IPMK: variants seen among roughly 807,000 people sequenced by gnomAD.
IPMK encodes the protein inositol 1,3,4,6-tetrakisphosphate 5-kinase.
In IPMK, 17 loss-of-function variants were observed where a neutral mutation model predicts 45.8. The ratio of observed to expected loss-of-function variants is 0.37; its 90% confidence interval spans 0.25 to 0.56. The LOEUF is 0.56. Among genes scored for constraint, IPMK ranks in the 20% least tolerant of loss-of-function variants. The pLI, the probability that IPMK is intolerant of heterozygous loss-of-function variation, is 0.79. For missense variants in IPMK, 399 were observed against 498.0 expected, an observed-to-expected ratio of 0.80 and a Z score of 1.89; for synonymous variants, 180 against 184.3, an observed-to-expected ratio of 0.98 and a Z score of 0.19.
At chr10:58,262,594 A>C (rs1225006526) in intron 1 of IPMK, among the ~76,000 whole-genome samples, 1 of 152,206 alleles carries the variant, frequency 6.6e-6, no homozygotes, top group East Asian at 1.9e-4. Context: ...TTTCCACTAA[A>C]AAGAAACCAG....
At chr10:58,234,155 AAAAT>A (rs1235032049) in intron 2 of IPMK, among the ~76,000 whole-genome samples, 1 of 152,128 alleles carries the variant, frequency 6.6e-6, no homozygotes, top group African/African-American at 2.4e-5. Flanking sequence ...ACCGCTCAAC[AAAAT>A]AAAAGAGGAC....
chr10:58,253,951 G>GTT (rs1838925073), intron 1 of IPMK, among the ~76,000 whole-genome samples: 1 of 151,946 alleles, frequency 6.6e-6, no homozygotes, highest in African/African-American at 2.4e-5. Flanking sequence ...TTCTCTTGAT[G>GTT]TTTTGAGTAT....
intron 2 of IPMK, 134 bp downstream of exon 2, chr10:58,237,595 C>G (rs570474950): frequency 4.4e-5 from 29 of 663,894 alleles, no homozygotes; most frequent in Non-Finnish European, 7.8e-5. Context: ...ATACGCACTG[C>G]TTTCCATGAA....
At chr10:58,211,178 A>G (rs1282266894) in intron 4 of IPMK, among the ~76,000 whole-genome samples, 1 of 146,672 alleles carries the variant, frequency 6.8e-6, no homozygotes, top group African/African-American at 2.6e-5. Flanking sequence ...GACAGGTAAC[A>G]GTGATTACCC....
intron 4 of IPMK, among the ~76,000 whole-genome samples, chr10:58,213,392 GAATA>G (rs1231265116): frequency 3.3e-5 from 5 of 152,178 alleles, no homozygotes; most frequent in Admixed American, 6.5e-5. Context: ...AGCATTTAAA[GAATA>G]AATAGAGGCT....
chr10:58,201,927 T>G (rs757021603), intron 4 of IPMK, among the ~76,000 whole-genome samples: 6 of 152,170 alleles, frequency 3.9e-5, no homozygotes, highest in Non-Finnish European at 8.8e-5. Flanking sequence ...GCCACAACAT[T>G]ACCTCAAGTC....
intron 4 of IPMK, among the ~76,000 whole-genome samples, chr10:58,199,583 C>T (rs749082500): frequency 1.4e-4 from 21 of 152,108 alleles, no homozygotes; most frequent in Non-Finnish European, 2.2e-4. Flanking sequence ...CCTCAACCTA[C>T]GAGGAGTTAG....
intron 1 of IPMK, among the ~76,000 whole-genome samples, chr10:58,255,539 T>C (rs937980729): frequency 1.3e-5 from 2 of 152,214 alleles, no homozygotes; most frequent in Non-Finnish European, 2.9e-5. Context: ...TTCAGGCTGG[T>C]GCTCTTGTCT....
intron 1 of IPMK, among the ~76,000 whole-genome samples, chr10:58,240,144 A>G (rs1342635471): frequency 6.6e-6 from 1 of 152,176 alleles, no homozygotes; most frequent in Admixed American, 6.5e-5. Flanking sequence ...TAAATATGCT[A>G]AAGAAACAAT....
Position 58,196,559 on chromosome 10 carries a change from A to G in IPMK, c.768T>C (p.Val256=). 2 of 1,614,080 alleles carry G rather than the reference A, an allele frequency of 1.2e-6. No homozygotes were observed. Among genetic ancestry groups the G allele is most frequent in the Non-Finnish European group, 1.7e-6 (2 of 1,180,038 alleles). Residue 256 remains valine, a synonymous_variant, in exon 6 of 6, where the codon GTT becomes GTC. Coordinates refer to ENST00000373935, the MANE Select transcript of IPMK (RefSeq NM_152230.5). ...LNFYASSLLF[V]YEGSSQPTTT... Reference sequence around the variant, plus strand: ...TGGTTGGCTGAGATGAACCTTCATAAACAAAGAGTAATGAACTTGCGTAAA... The same window carrying G: ...TGGTTGGCTGAGATGAACCTTCATAGACAAAGAGTAATGAACTTGCGTAAA...
At chr10:58,203,017 G>C (rs1442670556) in intron 4 of IPMK, among the ~76,000 whole-genome samples, 1 of 152,152 alleles carries the variant, frequency 6.6e-6, no homozygotes, top group African/African-American at 2.4e-5. Context: ...TGATGGACTG[G>C]GGCAATGTAA....
intron 1 of IPMK, among the ~76,000 whole-genome samples, chr10:58,248,384 C>T (rs986901698): frequency 5.9e-5 from 9 of 152,038 alleles, no homozygotes; most frequent in African/African-American, 2.2e-4. Flanking sequence ...TAAATGCACG[C>T]TAAAATTTCT....
intron 1 of IPMK, among the ~76,000 whole-genome samples, chr10:58,244,971 T>C (rs1020404150): frequency 2.6e-5 from 4 of 151,716 alleles, no homozygotes; most frequent in African/African-American, 9.7e-5. Context: ...TCTGCTGACC[T>C]TCTCTCCACT....
Position 58,207,093 on chromosome 10 carries a change from C to T in IPMK, c.547-7772G>A, listed in dbSNP as rs182533134. Among the ~76,000 whole-genome samples the T allele has an allele frequency of 3.0e-4, 45 of 152,310 alleles. No individual in the cohort carries two copies. The Middle Eastern group carries it at 0.01, about 35-fold the overall frequency. On this transcript the variant is annotated intron_variant, in intron 4 of 5. Transcript: ENST00000373935. ...TCTCAGCTCACTGCAAACTCCGCCT[C>T]CTGGGTTCAAGCGATTCTCCTGCCT...
In IPMK at chr10:58,196,091, A is replaced by G. The variant is rs1485327617; in HGVS notation, c.1236T>C (p.Ser412=). ...GLKHLISVLR[S]ILDN ...AACAGAGGATTCAATTGTCTAAAAT[A>G]CTTCGAAGTACAGAAATTAAATGCT... is the stretch of plus-strand genomic sequence containing the variant. Residue 412 remains serine, a synonymous_variant, in exon 6 of 6, where the codon AGT becomes AGC. Coordinates refer to ENST00000373935, the MANE Select transcript of IPMK (RefSeq NM_152230.5). 15 of 1,612,552 alleles carry G rather than the reference A, an allele frequency of 9.3e-6. No individual in the cohort carries two copies. Among genetic ancestry groups the G allele is most frequent in the African/African-American group, 1.3e-5 (1 of 74,996 alleles).
At chr10:58,244,266 C>T (rs1224846947) in intron 1 of IPMK, among the ~76,000 whole-genome samples, 3 of 144,098 alleles carry the variant, frequency 2.1e-5, no homozygotes, top group African/African-American at 5.2e-5. Context: ...AGGTGGGGAG[C>T]GCGTCTGCCC....
chr10:58,206,675 T>G (rs1228382627), intron 4 of IPMK, among the ~76,000 whole-genome samples: 1 of 152,160 alleles, frequency 6.6e-6, no homozygotes, highest in African/African-American at 2.4e-5. Flanking sequence ...GTGGTTTTTT[T>G]GTTACATGGA....
At chr10:58,223,306 A>G (rs1009985161) in intron 3 of IPMK, among the ~76,000 whole-genome samples, 1 of 152,174 alleles carries the variant, frequency 6.6e-6, no homozygotes, top group African/African-American at 2.4e-5. Context: ...TCCTTTAGCT[A>G]ATTTTCTACT....
intron 3 of IPMK, among the ~76,000 whole-genome samples, chr10:58,222,883 G>C (rs1752228788): frequency 1.3e-5 from 2 of 152,176 alleles, no homozygotes; most frequent in South Asian, 4.1e-4. Context: ...TATATTAAGT[G>C]AAGTAACTCA....
Sources: allele counts gnomAD v4.1 joint callset (sites outside exome capture counted in the v4.1 genomes callset), GRCh38; gene constraint gnomAD v4.1.1; transcripts MANE v1.5; gene names NCBI Gene and HGNC (gene_info 2026-07-23, HGNC 2026-07-21).